PPARGC1A: variants seen among roughly 807,000 people sequenced by gnomAD.
The protein encoded by PPARGC1A is peroxisome proliferator-activated receptor gamma coactivator 1-alpha.
A neutral mutation model predicts 88.7 loss-of-function variants in PPARGC1A; 25 were observed. The ratio of observed to expected loss-of-function variants is 0.28; its 90% CI spans 0.21 to 0.39. The LOEUF (loss-of-function observed/expected upper bound fraction) is 0.39, where lower values mean the gene tolerates loss of function less well. PPARGC1A is among the 10% of genes least tolerant of loss of function. PPARGC1A has a pLI of 1.00. For synonymous variants in PPARGC1A, 363 were observed against 355.6 expected (o/e 1.02, Z -0.24); for missense variants, 880 against 968.7 (o/e 0.91, Z 1.22).
intron 3 of PPARGC1A, among the ~76,000 whole-genome samples, chr4:23,831,286 T>C (rs987788932): frequency 3.3e-5 from 5 of 152,144 alleles, no homozygotes; most frequent in African/African-American, 1.2e-4. Context: ...TAAGTTTTCA[T>C]CATGAACATA....
At chr4:24,434,239 G>T in the PPARGC1A span, among the ~76,000 whole-genome samples, 1 of 152,174 alleles carries the variant, frequency 6.6e-6, no homozygotes, top group African/African-American at 2.4e-5. Context: ...GCAGTGATGA[G>T]GCCCCCTCAG....
the PPARGC1A span, among the ~76,000 whole-genome samples, chr4:24,122,420 T>TGTGTGC: frequency 5.6e-5 from 6 of 107,934 alleles, no homozygotes; most frequent in Non-Finnish European, 9.9e-5. Flanking sequence ...TGTGTGCATA[T>TGTGTGC]ATATATATAT....
chr4:24,376,334 G>A, the PPARGC1A span, among the ~76,000 whole-genome samples: 1 of 152,140 alleles, frequency 6.6e-6, no homozygotes, highest in Non-Finnish European at 1.5e-5. Flanking sequence ...CCCTGTAGGG[G>A]GTGAAGAGGA....
chr4:24,284,398 G>A, the PPARGC1A span, among the ~76,000 whole-genome samples: 1 of 152,204 alleles, frequency 6.6e-6, no homozygotes, highest in African/African-American at 2.4e-5. Context: ...TTTGAACTAG[G>A]CAGTCTAACT....
At chr4:24,177,394 C>A in the PPARGC1A span, among the ~76,000 whole-genome samples, 1 of 150,900 alleles carries the variant, frequency 6.6e-6, no homozygotes, top group Admixed American at 6.6e-5. Context: ...CATGTTCTCA[C>A]TCATAGGTGG....
At chr4:24,183,816 T>C in the PPARGC1A span, among the ~76,000 whole-genome samples, 1 of 152,204 alleles carries the variant, frequency 6.6e-6, no homozygotes. Context: ...CGGAAATTTT[T>C]TTTAATAAAA....
the PPARGC1A span, among the ~76,000 whole-genome samples, chr4:24,106,345 A>G: frequency 6.6e-6 from 1 of 152,296 alleles, no homozygotes; most frequent in South Asian, 2.1e-4. Flanking sequence ...TTCCTGGGCT[A>G]GAAGATAAGA....
chr4:24,101,535 C>A, the PPARGC1A span, among the ~76,000 whole-genome samples: 1 of 152,148 alleles, frequency 6.6e-6, no homozygotes, highest in Non-Finnish European at 1.5e-5. Context: ...AATTACCCTG[C>A]TTTTATCTTT....
At chr4:24,296,255 C>A in the PPARGC1A span, among the ~76,000 whole-genome samples, 1 of 150,312 alleles carries the variant, frequency 6.7e-6, no homozygotes, top group Non-Finnish European at 1.5e-5. Flanking sequence ...AATTTTAATG[C>A]CAAATGAACA....
At chr4:24,391,419 T>C in the PPARGC1A span, among the ~76,000 whole-genome samples, 1 of 152,306 alleles carries the variant, frequency 6.6e-6, no homozygotes, top group East Asian at 1.9e-4. Context: ...GTACACTTTC[T>C]TCTAATTTGC....
chr4:24,289,238 AAAAAAG>A, the PPARGC1A span, among the ~76,000 whole-genome samples: 2 of 150,534 alleles, frequency 1.3e-5, no homozygotes, highest in African/African-American at 4.9e-5. Flanking sequence ...AAAAAAAAAA[AAAAAAG>A]AGAGAGAGAG....
chr4:23,827,876 G>A (rs1724265235), intron 5 of PPARGC1A, among the ~76,000 whole-genome samples: 1 of 151,860 alleles, frequency 6.6e-6, no homozygotes, highest in Non-Finnish European at 1.5e-5. Context: ...AGGAGGTGAA[G>A]GAGGAGAAGG....
chr4:24,194,630 GCACACA>G, the PPARGC1A span, among the ~76,000 whole-genome samples: 90 of 48,688 alleles, frequency 1.8e-3, 1 homozygote, highest in East Asian at 5.8e-3. Context: ...GCACGCGCGC[GCACACA>G]CACACACACA....
At chr4:24,364,525 G>A in the PPARGC1A span, among the ~76,000 whole-genome samples, 5 of 152,112 alleles carry the variant, frequency 3.3e-5, no homozygotes, top group South Asian at 6.2e-4. Context: ...ATGTTCTTAC[G>A]CAGTTTTTCT....
At chr4:24,444,610 A>C in the PPARGC1A span, among the ~76,000 whole-genome samples, 7 of 152,238 alleles carry the variant, frequency 4.6e-5, no homozygotes, top group African/African-American at 2.4e-5. Context: ...AGCCATTGCT[A>C]TATGAACATC....
At chr4:23,899,369 TCTC>T (rs1719020659), upstream of PPARGC1A, 1 of 152,206 alleles carries the variant, frequency 6.6e-6, no homozygotes, top group Non-Finnish European at 1.5e-5. Flanking sequence ...ACAGGAGTGA[TCTC>T]CTGCATTGTG....
the PPARGC1A span, among the ~76,000 whole-genome samples, chr4:24,009,432 A>G: frequency 4.6e-5 from 7 of 152,198 alleles, no homozygotes; most frequent in Non-Finnish European, 7.3e-5. Context: ...AATGTGAGTG[A>G]CATTAAAATA....
the PPARGC1A span, among the ~76,000 whole-genome samples, chr4:23,979,105 A>C: frequency 6.6e-6 from 1 of 152,160 alleles, no homozygotes; most frequent in Non-Finnish European, 1.5e-5. Flanking sequence ...ATGTATAAAA[A>C]TCGTTTAACT....
intron 2 of PPARGC1A, among the ~76,000 whole-genome samples, chr4:23,840,608 A>G (rs1005492823): frequency 5.3e-5 from 8 of 152,068 alleles, no homozygotes; most frequent in African/African-American, 1.9e-4. Flanking sequence ...CCCTGACTCA[A>G]CATATGTTTT....
Sources: allele counts gnomAD v4.1 joint callset (sites outside exome capture counted in the v4.1 genomes callset), GRCh38; gene constraint gnomAD v4.1.1; transcripts MANE v1.5; gene names NCBI Gene and HGNC (gene_info 2026-07-23, HGNC 2026-07-21).